Variants in GALNT15 observed in about 807,000 individuals in gnomAD.
GALNT15 encodes polypeptide N-acetylgalactosaminyltransferase 15, also known as UDP-GalNAc transferase T15.
Under a neutral mutation model 66.8 loss-of-function variants are expected in GALNT15, and 67 were observed. The observed-to-expected ratio is 1.00, with a 90% CI of 0.82 to 1.23. The LOEUF (loss-of-function observed/expected upper bound fraction) is 1.23. GALNT15 is among the 50% of genes most tolerant of loss of function. The pLI is 0.00. For synonymous variants in GALNT15, 313 were observed against 311.5 expected (o/e 1.00, Z -0.05); for missense variants, 827 against 804.3 (o/e 1.03, Z -0.34).
At position 16,227,038 on chromosome 3, in the gene GALNT15, T is replaced by C. The variant is rs1386845762; in HGVS notation, c.1774-316T>C. On this transcript the variant is annotated intron_variant, in intron 9 of 9. Coordinates refer to ENST00000339732, the MANE Select transcript of GALNT15 (RefSeq NM_054110.5). This position sits in a 1 kb window ranked among gnomAD's most constrained non-coding sequence, Gnocchi z 4.5. ...AAATTTACAACTACAGTGATAACAA[T>C]GAATGTCACAAATACAGCATAAAGA... 6.6e-6 allele frequency among the ~76,000 whole-genome samples: 1 copy of C among 152,208 alleles called. No individual in the cohort carries two copies. The highest frequency in any genetic ancestry group is 1.5e-5 in the Non-Finnish European group (1 of 68,036).
intron 9 of GALNT15, among the ~76,000 whole-genome samples, 191 bp downstream of exon 9, chr3:16,222,949 C>T (rs2063962781): frequency 1.3e-5 from 2 of 152,156 alleles, no homozygotes; most frequent in South Asian, 2.1e-4. Context: ...GGCCCACTGG[C>T]ATCTTCATAT....
intron 3 of GALNT15, among the ~76,000 whole-genome samples, chr3:16,207,620 C>T (rs1046744058): frequency 6.9e-6 from 1 of 145,154 alleles, no homozygotes; most frequent in African/African-American, 2.6e-5. Context: ...TTATAGATAC[C>T]AGATGTTCAT....
intron 3 of GALNT15, 79 bp from the exon 4 acceptor site, chr3:16,208,424 G>T: frequency 6.9e-7 from 1 of 1,453,674 alleles, no homozygotes. Context: ...ACCATACTGG[G>T]CAGCCCATGT....
chr3:16,185,097 T>C (rs185978412), intron 1 of GALNT15, among the ~76,000 whole-genome samples: 1 of 152,340 alleles, frequency 6.6e-6, no homozygotes, highest in East Asian at 1.9e-4. Context: ...GCATCATGTC[T>C]ATTTCATTCA....
At position 16,209,798 on chromosome 3, in the gene GALNT15, G is replaced by A. The variant is rs2063794535; in HGVS notation, c.1079+1128G>A. 6.6e-6 allele frequency among the ~76,000 whole-genome samples: 1 copy of A among 152,112 alleles called. No individual in the cohort carries two copies. Among genetic ancestry groups the A allele is most frequent in the South Asian group, 2.1e-4 (1 of 4,828 alleles). On this transcript the variant is annotated intron_variant, in intron 4 of 9. Coordinates refer to ENST00000339732, the MANE Select transcript of GALNT15 (RefSeq NM_054110.5). The surrounding 1 kb of genome is among the most constrained non-coding windows in gnomAD (Gnocchi z 4.1). The stretch of plus-strand genomic sequence containing the variant: ...GACCACACTACTGCACTCTAGCCTG[G>A]GTGACAGAGCAAGATTCTGTCTCAA...
Position 16,186,235 on chromosome 3 carries a change from C to G in GALNT15, c.540-9525C>G, listed in dbSNP as rs1455864134. On this transcript the variant is annotated intron_variant, in intron 1 of 9. Coordinates refer to ENST00000339732, the MANE Select transcript of GALNT15 (RefSeq NM_054110.5). The surrounding 1 kb of genome is among the most constrained non-coding windows in gnomAD (Gnocchi z 5.1). The stretch of plus-strand genomic sequence containing the variant: ...GTCAGTAGGAAAATACAAATCAAAA[C>G]CACAATGAGATGACATTTTACCCCC... Among the ~76,000 whole-genome samples the G allele has an allele frequency of 6.6e-6, 1 of 152,158 alleles. No individual in the cohort carries two copies. Among genetic ancestry groups the G allele is most frequent in the Non-Finnish European group, 1.5e-5 (1 of 68,022 alleles).
chr3:16,221,182 T>A (rs1574997373), intron 8 of GALNT15, among the ~76,000 whole-genome samples: 2 of 144,654 alleles, frequency 1.4e-5, no homozygotes, highest in South Asian at 2.2e-4. Context: ...AAAAGAAGAA[T>A]AAAAAAAAAA....
At chr3:16,214,873 G>A (rs750367307) in intron 6 of GALNT15, among the ~76,000 whole-genome samples, 3 of 152,172 alleles carry the variant, frequency 2.0e-5, no homozygotes, top group Non-Finnish European at 4.4e-5. Flanking sequence ...GGAGCAACTG[G>A]CCTTCTACAG....
chr3:16,178,914 C>G (rs2063441733), intron 1 of GALNT15, among the ~76,000 whole-genome samples: 1 of 152,182 alleles, frequency 6.6e-6, no homozygotes, highest in South Asian at 2.1e-4. Flanking sequence ...GACTCCTAAG[C>G]CAGACAAGCC....
chr3:16,241,364 T>C, the GALNT15 span, among the ~76,000 whole-genome samples: 70 of 152,280 alleles, frequency 4.6e-4, no homozygotes, highest in Non-Finnish European at 5.9e-5. This position sits in a 1 kb window ranked among gnomAD's most constrained non-coding sequence, Gnocchi z 4.6. Context: ...AGCTAAAATT[T>C]AGACACTGAA....
At chr3:16,196,049 G>C (rs1007941770) in intron 2 of GALNT15, 123 bp downstream of exon 2, 2 of 957,968 alleles carry the variant, frequency 2.1e-6, no homozygotes, top group Non-Finnish European at 3.1e-6. Flanking sequence ...CAGACCTCCA[G>C]ATGAGGATTA....
the GALNT15 span, among the ~76,000 whole-genome samples, chr3:16,239,012 T>G: frequency 1.3e-5 from 2 of 152,184 alleles, no homozygotes; most frequent in African/African-American, 2.4e-5. This position sits in a 1 kb window ranked among gnomAD's most constrained non-coding sequence, Gnocchi z 5.2. Context: ...CCTGTTGGCT[T>G]TTGATCCTGG....
downstream of GALNT15, among the ~76,000 whole-genome samples, chr3:16,236,002 G>C (rs2064123086): frequency 3.3e-5 from 5 of 150,088 alleles, no homozygotes; most frequent in South Asian, 1.1e-3. Flanking sequence ...CTACTCGGGA[G>C]GCTGAGGCAG....
chr3:16,181,801 G>A lies in GALNT15; in HGVS notation c.539+6111G>A, dbSNP rs902887563. The stretch of plus-strand genomic sequence containing the variant: ...AAGAGAGGGAAGACAACCCAGTATG[G>A]GCAGTGTGAGTGGTGCTTATGGGGC... On this transcript the variant is annotated intron_variant, in intron 1 of 9. Coordinates refer to ENST00000339732, the MANE Select transcript of GALNT15 (RefSeq NM_054110.5). The surrounding 1 kb of genome is among the most constrained non-coding windows in gnomAD (Gnocchi z 5.9). Among the ~76,000 whole-genome samples the A allele has an allele frequency of 6.6e-6, 1 of 152,116 alleles. No homozygotes were observed. Among genetic ancestry groups the A allele is most frequent in the African/African-American group, 2.4e-5 (1 of 41,424 alleles).
rs2064046662 is a variant in GALNT15, at chr3:16,228,496, C to G, written c.*996C>G. ...TCTCTACTAAAAATACAAAAATTAG[C>G]TGGGCATGGTGGCGCATACCTGTAA... On this transcript the variant is annotated 3_prime_UTR_variant, in exon 10 of 10. Transcript: ENST00000339732. 3.5e-6 allele frequency: 2 copies of G among 568,322 alleles called. No homozygotes were observed. The highest frequency in any genetic ancestry group is 1.3e-4 in the Admixed American group (2 of 15,726). The allele number at this position is 568,322 out of a possible 1,614,324, so 35.2% of individuals were successfully genotyped here.
chr3:16,224,225 A>G lies in GALNT15; in HGVS notation c.1773+1467A>G, dbSNP rs2063981348. 1.3e-5 allele frequency among the ~76,000 whole-genome samples: 2 copies of G among 152,252 alleles called. No homozygotes were observed. The highest frequency in any genetic ancestry group is 2.9e-5 in the Non-Finnish European group (2 of 68,034). ...CAGCCAGAAAAAGGAATGAGGTACT[A>G]TTCATAGTGGCACTGTTGACAATAG... On this transcript the variant is annotated intron_variant, in intron 9 of 9. Transcript: ENST00000339732. The surrounding 1 kb of genome is among the most constrained non-coding windows in gnomAD (Gnocchi z 5.2).
Position 16,227,568 on chromosome 3 carries a change from T to A in GALNT15, c.*68T>A. ...CCAGCTCCAAGTGAACTTAAAGAGCTTATATATTTCATGAAGCTGATCCTT... is the reference window on the plus strand; with the variant it reads ...CCAGCTCCAAGTGAACTTAAAGAGCATATATATTTCATGAAGCTGATCCTT... On this transcript the variant is annotated 3_prime_UTR_variant, in exon 10 of 10. Transcript: ENST00000339732. This position sits in a 1 kb window ranked among gnomAD's most constrained non-coding sequence, Gnocchi z 4.5. 1.2e-6 allele frequency: 2 copies of A among 1,612,632 alleles called. No homozygotes were observed. The highest frequency in any genetic ancestry group is 1.7e-6 in the Non-Finnish European group (2 of 1,179,552).
In GALNT15 at chr3:16,228,624, G is replaced by C; in HGVS notation, c.*1124G>C. 1 of 954,842 alleles carries C rather than the reference G, an allele frequency of 1.0e-6. No homozygotes were observed. The highest frequency in any genetic ancestry group is 5.0e-5 in the South Asian group (1 of 19,992). 59.1% of individuals were successfully genotyped at this position (954,842 alleles called of 1,614,324 possible). A position where few individuals can be genotyped will look rare whatever the true frequency, so the allele number is the denominator to read the frequency against. ...CCATTGCACTCCAACCTGGGTGACA[G>C]AGTGAGACTCCATCTCAAAAAAAAA... On this transcript the variant is annotated 3_prime_UTR_variant, in exon 10 of 10. Transcript: ENST00000339732.
chr3:16,213,077 C>G (rs901787672), intron 6 of GALNT15, among the ~76,000 whole-genome samples: 3 of 152,092 alleles, frequency 2.0e-5, no homozygotes, highest in Non-Finnish European at 4.4e-5. Flanking sequence ...AGATGGGTCT[C>G]CAAGGCCAGG....
Sources: allele counts gnomAD v4.1 joint callset (sites outside exome capture counted in the v4.1 genomes callset), GRCh38; gene constraint gnomAD v4.1.1; non-coding constraint Gnocchi (gnomAD v3.1); transcripts MANE v1.5; gene names NCBI Gene and HGNC (gene_info 2026-07-23, HGNC 2026-07-21).